The following GPR141 variants were observed in gnomAD, a reference collection of about 807,000 sequenced individuals.
The protein encoded by GPR141 is G protein-coupled receptor 141.
A neutral mutation model predicts 6.8 loss-of-function variants in GPR141; 6 were observed. The ratio of observed to expected loss-of-function variants is 0.88; its 90% CI spans 0.48 to 1.74. The LOEUF (loss-of-function observed/expected upper bound fraction) is 1.74, where lower values mean the gene tolerates loss of function less well. GPR141 is among the 40% of genes most tolerant of loss of function. The probability of loss-of-function intolerance (pLI) is 0.01; values close to 1 mark genes in which losing one functional copy is unlikely to be tolerated. For missense variants in GPR141, 372 were observed against 372.9 expected, an observed-to-expected ratio of 1.00 and a Z score of 0.02; for synonymous variants, 140 against 142.3, an observed-to-expected ratio of 0.98 and a Z score of 0.11.
chr7:37,735,796 A>G (rs1812206842), intron 2 of GPR141, among the ~76,000 whole-genome samples: 1 of 152,224 alleles, frequency 6.6e-6, no homozygotes, highest in Non-Finnish European at 1.5e-5. Flanking sequence ...TAAAGTATTT[A>G]AGAAATTAAA....
intron 2 of GPR141, among the ~76,000 whole-genome samples, chr7:37,725,290 G>A (rs1011920917): frequency 2.0e-5 from 3 of 152,194 alleles, no homozygotes; most frequent in Non-Finnish European, 4.4e-5. Context: ...AATCAAGAAG[G>A]TGAATCTGCA....
chr7:37,701,151 T>A (rs916620373), intron 2 of GPR141, among the ~76,000 whole-genome samples: 2 of 152,216 alleles, frequency 1.3e-5, no homozygotes, highest in African/African-American at 2.4e-5. Flanking sequence ...TTCGTTGTGA[T>A]TTGGCAAAGA....
Position 37,697,626 on chromosome 7 carries a change from G to A in GPR141, c.-15+12043G>A, listed in dbSNP as rs111769733. On this transcript the variant is annotated intron_variant, in intron 2 of 2. Coordinates refer to ENST00000334425, the MANE Select transcript of GPR141 (RefSeq NM_001381946.1). ...ATCAGTGAAGGTGGCGAGATCAGAAGGTTGACTCTTCACTGAGTCTCAATG... is the reference window on the plus strand; with the variant it reads ...ATCAGTGAAGGTGGCGAGATCAGAAAGTTGACTCTTCACTGAGTCTCAATG... 2.2e-3 allele frequency among the ~76,000 whole-genome samples: 341 copies of A among 152,260 alleles called. 2 individuals are homozygous for A. The highest frequency in any genetic ancestry group is 7.9e-3 in the African/African-American group (329 of 41,542).
intron 2 of GPR141, among the ~76,000 whole-genome samples, chr7:37,733,147 A>G (rs1257007905): frequency 2.6e-5 from 4 of 152,196 alleles, no homozygotes; most frequent in Non-Finnish European, 1.5e-5. Flanking sequence ...GGCGGGGCTG[A>G]GAAGATATGG....
chr7:37,732,814 T>C (rs546534599), intron 2 of GPR141, among the ~76,000 whole-genome samples: 70 of 152,334 alleles, frequency 4.6e-4, no homozygotes, highest in African/African-American at 1.7e-3. Context: ...CAGCAGTGGT[T>C]CATGCAGAAT....
At position 37,740,111 on chromosome 7, in the gene GPR141, A is replaced by G. The variant is rs574271990; in HGVS notation, c.-14-269A>G. Among the ~76,000 whole-genome samples, 12 of 152,260 alleles carry G rather than the reference A, an allele frequency of 7.9e-5. 1 individual carries two copies. The highest frequency in any genetic ancestry group is 6.8e-3 in the Middle Eastern group (2 of 294). On this transcript the variant is annotated intron_variant, in intron 2 of 2. Coordinates refer to ENST00000334425, the MANE Select transcript of GPR141 (RefSeq NM_001381946.1). ...GCAATCCTCCTGAAGTTTTATGTAA[A>G]TTGTCTTATCTACATACATCTCTCT...
intron 2 of GPR141, among the ~76,000 whole-genome samples, chr7:37,723,521 A>G (rs929178027): frequency 1.3e-5 from 2 of 152,166 alleles, no homozygotes; most frequent in African/African-American, 2.4e-5. Context: ...GGTGAAGCAC[A>G]GAGTGAATCT....
chr7:37,708,331 A>AAAAAC (rs1810634220), intron 2 of GPR141, among the ~76,000 whole-genome samples: 1 of 151,042 alleles, frequency 6.6e-6, no homozygotes, highest in Non-Finnish European at 1.5e-5. Flanking sequence ...AAAAAAAAAA[A>AAAAAC]AAAACGCAAA....
At chr7:37,684,748 TAAC>T (rs1455216151) in intron 1 of GPR141, among the ~76,000 whole-genome samples, 3 of 152,256 alleles carry the variant, frequency 2.0e-5, no homozygotes, top group African/African-American at 7.2e-5. Context: ...GCGTTCTACA[TAAC>T]TGCACAATTA....
chr7:37,741,084 A>G lies in GPR141; in HGVS notation c.691A>G (p.Ile231Val), dbSNP rs1812537237. The change falls in exon 3 of 3, where the codon ATA (isoleucine) becomes GTA (valine). Residue 231 changes from isoleucine to valine, a missense_variant. Ile to Val is a conservative substitution (Grantham distance 29). Transcript: ENST00000334425. ...FWAQLKNLFF[I>V]GVILVCFLPY... is the part of the protein sequence containing the mutation. ...GGCTCAGCTGAAAAACCTATTTTTT[A>G]TAGGGGTCATCCTTGTTTGTTTCCT... 5.6e-6 allele frequency: 9 copies of G among 1,613,970 alleles called. No homozygotes were observed. Among genetic ancestry groups the G allele is most frequent in the South Asian group, 1.1e-5 (1 of 91,082 alleles).
chr7:37,687,782 C>G (rs1158274761), intron 2 of GPR141, among the ~76,000 whole-genome samples: 1 of 152,122 alleles, frequency 6.6e-6, no homozygotes, highest in Non-Finnish European at 1.5e-5. Context: ...CTGTCCCAAG[C>G]TCCATTTTCA....
chr7:37,720,649 G>A (rs181512975), intron 2 of GPR141, among the ~76,000 whole-genome samples: 164 of 151,588 alleles, frequency 1.1e-3, no homozygotes, highest in African/African-American at 3.5e-3. Context: ...GCTGAGGCAG[G>A]AGAATGGCGT....
rs1183023452 is a variant in GPR141 at position 37,742,334 on chromosome 7, G to A, written c.*1023G>A. Among the ~76,000 whole-genome samples the A allele has an allele frequency of 1.3e-5, 2 of 151,984 alleles. No individual in the cohort carries two copies. The highest frequency in any genetic ancestry group is 6.6e-5 in the Admixed American group (1 of 15,246). ...TACATAGGTATACACGTGCCATGGTGGTTTGCGGCACCTGTCAACCCATCT... is the reference window on the plus strand; with the variant it reads ...TACATAGGTATACACGTGCCATGGTAGTTTGCGGCACCTGTCAACCCATCT... On this transcript the variant is annotated 3_prime_UTR_variant, in exon 3 of 3. Coordinates refer to ENST00000334425, the MANE Select transcript of GPR141 (RefSeq NM_001381946.1).
intron 2 of GPR141, among the ~76,000 whole-genome samples, chr7:37,714,365 C>T (rs1383139782): frequency 2.0e-5 from 3 of 152,090 alleles, no homozygotes; most frequent in Non-Finnish European, 4.4e-5. Flanking sequence ...GAACTTGGAC[C>T]TAAAGAACTA....
intron 2 of GPR141, among the ~76,000 whole-genome samples, chr7:37,707,062 T>C (rs78199397): frequency 8.9e-4 from 135 of 152,216 alleles, no homozygotes; most frequent in African/African-American, 3.0e-3. Flanking sequence ...CTCCTTCCTG[T>C]TAAAAAGTGT....
intron 2 of GPR141, among the ~76,000 whole-genome samples, chr7:37,686,554 C>A (rs1351341325): frequency 6.6e-6 from 1 of 151,480 alleles, no homozygotes; most frequent in Non-Finnish European, 1.5e-5. Context: ...GCCTTTGCTA[C>A]CTTTATATTT....
intron 2 of GPR141, among the ~76,000 whole-genome samples, chr7:37,725,944 G>A (rs916086885): frequency 1.3e-5 from 2 of 150,568 alleles, no homozygotes; most frequent in African/African-American, 4.9e-5. Flanking sequence ...CTAATTGATT[G>A]CTCTTAAGTT....
At chr7:37,693,420 T>C (rs1449248829) in intron 2 of GPR141, among the ~76,000 whole-genome samples, 2 of 152,186 alleles carry the variant, frequency 1.3e-5, no homozygotes, top group Admixed American at 6.5e-5. Context: ...GTAGTATAGT[T>C]TGAAGTCAGG....
intron 2 of GPR141, among the ~76,000 whole-genome samples, chr7:37,699,920 A>G (rs995607545): frequency 6.6e-6 from 1 of 152,182 alleles, no homozygotes; most frequent in Non-Finnish European, 1.5e-5. Context: ...TATAGTGACA[A>G]CTGGATCTTG....
Sources: gnomAD v4.1 joint callset for allele counts (sites outside exome capture counted in the v4.1 genomes callset) on GRCh38, gnomAD v4.1.1 for gene constraint, MANE v1.5 for transcripts, NCBI Gene and HGNC (gene_info 2026-07-23, HGNC 2026-07-21) for gene names.